The following FOXP2 variants were observed in gnomAD, a reference collection of about 807,000 sequenced individuals.
FOXP2 encodes the protein forkhead box P2.
Under a neutral mutation model 115.8 loss-of-function variants are expected in FOXP2, and 12 were observed. The observed-to-expected ratio is 0.10, with a 90% confidence interval of 0.07 to 0.17. The LOEUF (loss-of-function observed/expected upper bound fraction) is 0.17, where lower values mean the gene tolerates loss of function less well. Ranked by LOEUF, FOXP2 falls within the 10% of genes least tolerant of loss-of-function variation. The probability of loss-of-function intolerance (pLI) is 1.00; values close to 1 mark genes in which losing one functional copy is unlikely to be tolerated. For missense variants in FOXP2, 629 were observed against 843.5 expected, an observed-to-expected ratio of 0.75 and a Z score of 3.15; for synonymous variants, 328 against 297.7, an observed-to-expected ratio of 1.10 and a Z score of -1.05.
rs1305614744 is a variant in FOXP2, at chr7:114,693,208, T to A, written c.*3282T>A. On this transcript the variant is annotated 3_prime_UTR_variant, in exon 17 of 17. Coordinates refer to ENST00000350908, the MANE Select transcript of FOXP2 (RefSeq NM_014491.4). ...TTGGTAGAATTACCACTAACTGGGTTTTCTTTAGATAACTCAGATATGGAG... is the reference window on the plus strand; with the variant it reads ...TTGGTAGAATTACCACTAACTGGGTATTCTTTAGATAACTCAGATATGGAG... 8.8e-6 allele frequency: 4 copies of A among 452,076 alleles called. No individual in the cohort carries two copies. In the Admixed American group the frequency reaches 9.4e-5, roughly 11 times the overall value. 28.0% of individuals were successfully genotyped at this position (452,076 alleles called of 1,614,324 possible). A position where few individuals can be genotyped will look rare whatever the true frequency, so the allele number is the denominator to read the frequency against.
intron 2 of FOXP2, among the ~76,000 whole-genome samples, chr7:114,306,186 A>G (rs1048574398): frequency 1.3e-5 from 2 of 152,144 alleles, no homozygotes; most frequent in Admixed American, 1.3e-4. Context: ...CTTACGTGTA[A>G]TAAGTCAACT....
intron 1 of FOXP2, among the ~76,000 whole-genome samples, chr7:114,097,912 A>G (rs1428349628): frequency 6.6e-6 from 1 of 152,220 alleles, no homozygotes; most frequent in Non-Finnish European, 1.5e-5. Context: ...AAAACAAATA[A>G]TTGAAGAATC....
At chr7:114,654,909 A>G (rs1178137473) in intron 10 of FOXP2, among the ~76,000 whole-genome samples, 1 of 152,112 alleles carries the variant, frequency 6.6e-6, no homozygotes, top group Non-Finnish European at 1.5e-5. Context: ...ATTTTCTCGT[A>G]ATGTCTCGAT....
intron 2 of FOXP2, among the ~76,000 whole-genome samples, chr7:114,384,646 G>T (rs117954417): frequency 6.6e-6 from 1 of 152,182 alleles, no homozygotes; most frequent in Non-Finnish European, 1.5e-5. Flanking sequence ...AATCTGATGG[G>T]TTAAGGGAAT....
intron 1 of FOXP2, among the ~76,000 whole-genome samples, chr7:114,252,460 C>T (rs1795475857): frequency 6.6e-6 from 1 of 152,146 alleles, no homozygotes; most frequent in Non-Finnish European, 1.5e-5. Flanking sequence ...ATTATTGCCT[C>T]AATTTCAGTG....
At chr7:114,113,513 A>C (rs1241068993) in intron 1 of FOXP2, among the ~76,000 whole-genome samples, 2 of 151,970 alleles carry the variant, frequency 1.3e-5, no homozygotes, top group Non-Finnish European at 2.9e-5. Flanking sequence ...TCCTGAGTAG[A>C]TGGGACTACA....
chr7:114,388,394 CT>C (rs753810702), intron 2 of FOXP2, among the ~76,000 whole-genome samples: 199 of 104,676 alleles, frequency 1.9e-3, no homozygotes, highest in Middle Eastern at 4.9e-3. Context: ...GAACTTATCT[CT>C]TTTTTTTTTT....
intron 3 of FOXP2, among the ~76,000 whole-genome samples, chr7:114,613,253 T>C (rs755349627): frequency 6.6e-6 from 1 of 152,192 alleles, no homozygotes; most frequent in Non-Finnish European, 1.5e-5. Context: ...CCTTGTCCCA[T>C]AGACAGTTCC....
chr7:114,459,350 T>TA (rs1437104665), intron 2 of FOXP2, among the ~76,000 whole-genome samples: 1 of 152,132 alleles, frequency 6.6e-6, no homozygotes, highest in Non-Finnish European at 1.5e-5. Context: ...TGTATTAAAA[T>TA]AAAAACCCCT....
chr7:114,518,362 G>A (rs1057083870), intron 2 of FOXP2, among the ~76,000 whole-genome samples: 1 of 151,976 alleles, frequency 6.6e-6, no homozygotes, highest in Non-Finnish European at 1.5e-5. Context: ...ATACTTTTAT[G>A]TTTTTTCCCC....
At chr7:114,138,961 C>A (rs942765614) in intron 1 of FOXP2, among the ~76,000 whole-genome samples, 1 of 152,044 alleles carries the variant, frequency 6.6e-6, no homozygotes, top group African/African-American at 2.4e-5. Context: ...TTAATTTTAG[C>A]ATTTTTCTTG....
chr7:114,388,934 A>C (rs973029819), intron 2 of FOXP2, among the ~76,000 whole-genome samples: 9 of 152,242 alleles, frequency 5.9e-5, no homozygotes, highest in Non-Finnish European at 1.3e-4. Flanking sequence ...GTAAAATAGA[A>C]GTCTTAGAAA....
upstream of FOXP2, among the ~76,000 whole-genome samples, chr7:114,409,738 A>T (rs1267760939): frequency 6.6e-6 from 1 of 152,078 alleles, no homozygotes; most frequent in Non-Finnish European, 1.5e-5. Context: ...GGCTTTTCTC[A>T]TTCCTATCTC....
chr7:114,137,503 G>A (rs1356026271), intron 1 of FOXP2, among the ~76,000 whole-genome samples: 1 of 152,092 alleles, frequency 6.6e-6, no homozygotes, highest in Non-Finnish European at 1.5e-5. Flanking sequence ...ACCAATAATT[G>A]ATGAGTGCTT....
At chr7:114,317,665 T>C (rs551176406) in intron 2 of FOXP2, among the ~76,000 whole-genome samples, 34 of 152,284 alleles carry the variant, frequency 2.2e-4, no homozygotes, top group Middle Eastern at 3.4e-3. Flanking sequence ...TCTTTTAAAA[T>C]TCAAATCATG....
At chr7:114,145,874 G>A (rs932844263) in intron 1 of FOXP2, among the ~76,000 whole-genome samples, 2 of 152,042 alleles carry the variant, frequency 1.3e-5, no homozygotes, top group Non-Finnish European at 2.9e-5. Flanking sequence ...TAGAAGTTGT[G>A]TGTAAACATT....
intron 1 of FOXP2, among the ~76,000 whole-genome samples, chr7:114,089,212 C>T (rs1799494117): frequency 6.6e-6 from 1 of 152,010 alleles, no homozygotes; most frequent in Non-Finnish European, 1.5e-5. Context: ...AATATACTAA[C>T]TTTGAAAGAG....
intron 16 of FOXP2, chr7:114,668,914 AG>A (rs1008898250): frequency 1.3e-5 from 2 of 152,138 alleles, no homozygotes; most frequent in African/African-American, 2.4e-5. Context: ...TATAAAATCC[AG>A]GGTTCTCCTA....
At chr7:114,648,872 C>T (rs1356093178) in intron 8 of FOXP2, among the ~76,000 whole-genome samples, 1 of 152,058 alleles carries the variant, frequency 6.6e-6, no homozygotes, top group Non-Finnish European at 1.5e-5. Context: ...TCTGAAGGCA[C>T]CCTTTGCATT....
Sources: gnomAD v4.1 joint callset for allele counts (sites outside exome capture counted in the v4.1 genomes callset) on GRCh38, gnomAD v4.1.1 for gene constraint, MANE v1.5 for transcripts, NCBI Gene and HGNC (gene_info 2026-07-23, HGNC 2026-07-21) for gene names.